The following GAREM1 variants were observed in gnomAD, a reference collection of about 807,000 sequenced individuals.
The protein encoded by GAREM1 is GRB2 associated regulator of MAPK1 subtype 1.
GAREM1 carries 26 observed loss-of-function variants against 71.3 expected under a neutral mutation model. The observed-to-expected ratio is 0.36, with a 90% CI of 0.27 to 0.51. The LOEUF (loss-of-function observed/expected upper bound fraction) is 0.51, where lower values mean the gene tolerates loss of function less well. Among genes scored for constraint, GAREM1 ranks in the 20% least tolerant of loss-of-function variants. The pLI is 0.95. For missense variants in GAREM1, 1,026 were observed against 1,103.1 expected (o/e 0.93, Z 0.99); for synonymous variants, 440 against 433.2 (o/e 1.02, Z -0.20).
rs534555030 is a variant in GAREM1 at position 32,265,741 on chromosome 18, G to A, written c.*2130C>T. On this transcript the variant is annotated 3_prime_UTR_variant, in exon 6 of 6. Coordinates refer to ENST00000269209, the MANE Select transcript of GAREM1 (RefSeq NM_001242409.2). ...TAAAAGGAGTCAGTTGTTTATGTGA[G>A]GCAACCTTTATAGTAAACCCAAACC... 6.6e-6 allele frequency: 1 copy of A among 152,292 alleles called. No homozygotes were observed. The highest frequency in any genetic ancestry group is 1.9e-4 in the East Asian group (1 of 5,190). 9.4% of individuals were successfully genotyped at this position (152,292 alleles called of 1,614,324 possible).
intron 3 of GAREM1, among the ~76,000 whole-genome samples, chr18:32,309,615 CAAAAAAAAAA>C (rs11370938): frequency 1.4e-3 from 20 of 13,860 alleles, no homozygotes; most frequent in East Asian, 0.01. Context: ...GACTCAGTCT[CAAAAAAAAAA>C]AAAAAAAAAA....
At chr18:32,428,562 C>T (rs1010220792) in intron 1 of GAREM1, among the ~76,000 whole-genome samples, 1 of 152,188 alleles carries the variant, frequency 6.6e-6, no homozygotes, top group Admixed American at 6.5e-5. Flanking sequence ...CCTTTGCCTT[C>T]TGCCATGATT....
intron 3 of GAREM1, among the ~76,000 whole-genome samples, chr18:32,293,669 G>T (rs1380853326): frequency 1.3e-5 from 2 of 152,152 alleles, no homozygotes; most frequent in African/African-American, 4.8e-5. Context: ...GATTAAGGAG[G>T]TTATATGCAT....
rs534800748 is a variant in GAREM1 at position 32,406,485 on chromosome 18, G to A, written c.122-13450C>T. ...CAAATGACATGATGAGTAAAGAAAC[G>A]GTGTGTGGTGGGGGGAAAGAGGTGA... On this transcript the variant is annotated intron_variant, in intron 1 of 5. Transcript: ENST00000269209. Among the ~76,000 whole-genome samples, 149 of 152,134 alleles carry A rather than the reference G, an allele frequency of 9.8e-4. 1 individual carries two copies. Among genetic ancestry groups the A allele is most frequent in the Non-Finnish European group, 1.7e-3 (116 of 68,034 alleles).
intron 1 of GAREM1, among the ~76,000 whole-genome samples, chr18:32,406,775 G>C (rs776905483): frequency 6.6e-6 from 1 of 152,116 alleles, no homozygotes. Context: ...TTCTTCAGTG[G>C]GAAAAGAAAG....
chr18:32,413,068 A>C (rs940705582), intron 1 of GAREM1: 2 of 1,552,694 alleles, frequency 1.3e-6, no homozygotes, highest in African/African-American at 2.7e-5. Flanking sequence ...AGCGTTCCCC[A>C]TTGCTCAAAA....
At chr18:32,367,386 G>C (rs1484233484) in intron 2 of GAREM1, among the ~76,000 whole-genome samples, 7 of 152,156 alleles carry the variant, frequency 4.6e-5, no homozygotes, top group African/African-American at 1.7e-4. Flanking sequence ...ACTTGTCTAA[G>C]ACTAAGATTA....
chr18:32,394,849 G>A (rs1470592386), intron 1 of GAREM1, among the ~76,000 whole-genome samples: 2 of 152,178 alleles, frequency 1.3e-5, no homozygotes, highest in South Asian at 2.1e-4. Flanking sequence ...CCATGGTGTG[G>A]TCTTGGGCAC....
At chr18:32,467,018 G>A (rs1054164574) in intron 1 of GAREM1, among the ~76,000 whole-genome samples, 4 of 152,116 alleles carry the variant, frequency 2.6e-5, no homozygotes, top group Non-Finnish European at 5.9e-5. Context: ...GGCACTTCAG[G>A]AGTGGCATGT....
At chr18:32,446,928 A>C (rs1302074680) in intron 1 of GAREM1, among the ~76,000 whole-genome samples, 1 of 152,220 alleles carries the variant, frequency 6.6e-6, no homozygotes, top group Non-Finnish European at 1.5e-5. Flanking sequence ...CACAACCTCC[A>C]AACAGTAACT....
At chr18:32,275,413 G>A (rs1047966921) in intron 4 of GAREM1, among the ~76,000 whole-genome samples, 4 of 152,296 alleles carry the variant, frequency 2.6e-5, no homozygotes, top group Admixed American at 6.5e-5. Context: ...AAGAGCTGGC[G>A]TTCTGTTTTG....
In GAREM1 at chr18:32,287,338, A is replaced by G; in HGVS notation, c.1259T>C (p.Ile420Thr). The change falls in exon 4 of 6, where the codon ATC (isoleucine) becomes ACC (threonine). Residue 420 changes from isoleucine to threonine, a missense_variant. Ile to Thr is a moderately conservative substitution (Grantham distance 89). Around this residue, in one of 3 missense-constraint regions of GAREM1, gnomAD observed 636 missense variants for 631.2 expected, o/e 1.01. Transcript: ENST00000269209. This position sits in a 1 kb window ranked among gnomAD's most constrained non-coding sequence, Gnocchi z 5.9. ...GGDWAPFPHD[I>T]LPYQDSGDSG... ...ATCTCCAGAGTCCTGATAGGGCAGGATGTCATGAGGAAAGGGAGCCCAATC... is the reference window on the plus strand; with the variant it reads ...ATCTCCAGAGTCCTGATAGGGCAGGGTGTCATGAGGAAAGGGAGCCCAATC... 2 of 1,614,182 alleles carry G rather than the reference A, an allele frequency of 1.2e-6. No homozygotes were observed. Among genetic ancestry groups the G allele is most frequent in the Non-Finnish European group, 1.7e-6 (2 of 1,180,028 alleles).
chr18:32,402,881 GA>G (rs1567997271), intron 1 of GAREM1, among the ~76,000 whole-genome samples: 2 of 114,538 alleles, frequency 1.7e-5, no homozygotes, highest in Non-Finnish European at 3.6e-5. Context: ...TGTGCTCGTG[GA>G]GTGGACCTTT....
intron 2 of GAREM1, among the ~76,000 whole-genome samples, chr18:32,350,921 T>C (rs2047743410): frequency 6.6e-6 from 1 of 152,184 alleles, no homozygotes; most frequent in Non-Finnish European, 1.5e-5. Context: ...TTTTGATAAA[T>C]ACAGTATGTT....
rs1055634973 is a variant in GAREM1 at position 32,412,519 on chromosome 18, C to T, written c.122-19484G>A. On this transcript the variant is annotated intron_variant, in intron 1 of 5. Transcript: ENST00000269209. ...AAGCCACCACGACCACTGAAGTTTC[C>T]TCCATGACCGAAGTTGTCATTCCCA... is the stretch of plus-strand genomic sequence containing the variant. 7 of 1,597,446 alleles carry T rather than the reference C, an allele frequency of 4.4e-6. No individual in the cohort carries two copies. In the African/African-American group the frequency reaches 9.4e-5, roughly 21 times the overall value.
intron 1 of GAREM1, among the ~76,000 whole-genome samples, chr18:32,429,527 G>A (rs2048604235): frequency 6.6e-6 from 1 of 152,132 alleles, no homozygotes; most frequent in Admixed American, 6.5e-5. Context: ...CCTTAAAGCA[G>A]AGGCTGCATG....
At chr18:32,309,615 C>CAAAAAAAAAAAAAAAAAA (rs11370938) in intron 3 of GAREM1, among the ~76,000 whole-genome samples, 2 of 13,862 alleles carry the variant, frequency 1.4e-4, no homozygotes, top group Non-Finnish European at 1.3e-4. Flanking sequence ...GACTCAGTCT[C>CAAAAAAAAAAAAAAAAAA]AAAAAAAAAA....
intron 3 of GAREM1, among the ~76,000 whole-genome samples, chr18:32,289,349 C>A (rs575410582): frequency 2.0e-5 from 3 of 152,206 alleles, no homozygotes; most frequent in Non-Finnish European, 4.4e-5. Context: ...TCTCCCTACA[C>A]TCACACTGAA....
chr18:32,346,907 C>G (rs756736557), intron 2 of GAREM1, among the ~76,000 whole-genome samples: 5 of 152,066 alleles, frequency 3.3e-5, no homozygotes, highest in African/African-American at 1.2e-4. Flanking sequence ...GGCCGGTCAC[C>G]AGGGCTGAAG....
Sources: gnomAD v4.1 joint callset for allele counts (sites outside exome capture counted in the v4.1 genomes callset) on GRCh38, gnomAD v4.1.1 for gene constraint, gnomAD v4.1.1 regional missense constraint, Gnocchi (gnomAD v3.1) non-coding constraint, MANE v1.5 for transcripts, NCBI Gene and HGNC (gene_info 2026-07-23, HGNC 2026-07-21) for gene names.